ERCC1: variants seen among roughly 807,000 people sequenced by gnomAD.
The protein encoded by ERCC1 is DNA excision repair protein ERCC-1.
Under a neutral mutation model 37.6 loss-of-function variants are expected in ERCC1, and 36 were observed. That is an observed-to-expected ratio of 0.96 (90% confidence interval 0.73 to 1.26). ERCC1 has a LOEUF of 1.26. Ranked by LOEUF, ERCC1 falls within the 50% of genes most tolerant of loss-of-function variation. The pLI, the probability that ERCC1 is intolerant of heterozygous loss-of-function variation, is 0.00. For missense variants in ERCC1, 349 were observed against 376.5 expected, an observed-to-expected ratio of 0.93 and a Z score of 0.60; for synonymous variants, 156 against 162.1, an observed-to-expected ratio of 0.96 and a Z score of 0.28.
chr19:45,425,248 T>G (rs1192432925), upstream of ERCC1, among the ~76,000 whole-genome samples: 1 of 151,770 alleles, frequency 6.6e-6, no homozygotes, highest in Non-Finnish European at 1.5e-5. Context: ...TTCTATCATT[T>G]CTTTTATCTA....
chr19:45,449,576 G>C (rs752173525), intron 1 of ERCC1, among the ~76,000 whole-genome samples: 43 of 152,300 alleles, frequency 2.8e-4, no homozygotes, highest in Non-Finnish European at 5.3e-4. Flanking sequence ...TGAGGCGGGA[G>C]GATTGCTTGA....
At chr19:45,447,990 G>A (rs1031763271) in intron 1 of ERCC1, among the ~76,000 whole-genome samples, 8 of 151,872 alleles carry the variant, frequency 5.3e-5, no homozygotes, top group Non-Finnish European at 1.2e-4. Context: ...TCCTGCCTCA[G>A]TCTCCCAAGT....
chr19:45,412,532 T>A (rs1050589105), intron 9 of ERCC1, among the ~76,000 whole-genome samples: 4 of 152,168 alleles, frequency 2.6e-5, no homozygotes, highest in African/African-American at 9.7e-5. Flanking sequence ...TGCTTGCCAT[T>A]TGTATGTCTT....
In ERCC1 at chr19:45,423,780, C is replaced by G. The variant is rs187222096; in HGVS notation, c.-8+1G>C. 2,751 of 1,141,022 alleles carry G rather than the reference C, an allele frequency of 2.4e-3. 6 individuals carry two copies. Among genetic ancestry groups the G allele is most frequent in the Non-Finnish European group, 2.9e-3 (2,667 of 921,536 alleles). The allele number at this position is 1,141,022 out of a possible 1,614,324, so 70.7% of individuals were successfully genotyped here. A position where few individuals can be genotyped will look rare whatever the true frequency, so the allele number is the denominator to read the frequency against. On this transcript the variant is annotated splice_donor_variant, in intron 1 of 9. Coordinates refer to ENST00000300853, the MANE Select transcript of ERCC1 (RefSeq NM_001983.4). LOFTEE classifies it low-confidence loss of function (5UTR_SPLICE). ...CCACCCGCAGTCTCCGCCTCCCGCA[C>G]CTGTGGTCCGGGCCTCACGGTTTCA...
chr19:45,419,162 T>C lies in ERCC1; in HGVS notation c.461A>G (p.His154Arg), dbSNP rs1304698190. The change falls in exon 5 of 10, where the codon CAT becomes CGT. Residue 154 changes from histidine to arginine, a missense_variant. By Grantham distance (29) the His-to-Arg change is conservative (BLOSUM62 0). Transcript: ENST00000300853. The part of the protein sequence containing the change: ...RYHNLHPDYI[H>R]GRLQSLGKNF... ...CTTCCCCAGGCTCTGCAGCCGCCCA[T>C]GGATGTAGTCTGGGTGCAGGTTGTG... 1 of 1,598,374 alleles carries C rather than the reference T, an allele frequency of 6.3e-7. No homozygotes were observed. The highest frequency in any genetic ancestry group is 1.7e-5 in the Admixed American group (1 of 58,068).
chr19:45,435,051 G>T lies in ERCC1; in HGVS notation c.-7-11670C>A, dbSNP rs367668924. Among the ~76,000 whole-genome samples, 57 of 152,156 alleles carry T rather than the reference G, an allele frequency of 3.7e-4. 1 individual carries two copies. The South Asian group carries it at 0.012, about 32-fold the overall frequency. On this transcript the variant is annotated intron_variant, in intron 1 of 8. Coordinates refer to the ERCC1 transcript ENST00000423698. ...ACCTGCTTCAGCCTCCCAAAGTGCT[G>T]CAATTACAGGCATGAGCCATGGTGC...
chr19:45,423,536 C>T (rs1974572336), intron 1 of ERCC1, 155 bp from the exon 2 acceptor site: 3 of 1,453,694 alleles, frequency 2.1e-6, no homozygotes, highest in African/African-American at 2.8e-5. Context: ...TGTAACGCCA[C>T]GCCCCTTTGA....
chr19:45,414,652 A>G, intron 7 of ERCC1: 1 of 533,348 alleles, frequency 1.9e-6, no homozygotes, highest in Non-Finnish European at 3.4e-6. Context: ...CTCTCGGGGT[A>G]CTGGGGAGCC....
intron 2 of ERCC1, among the ~76,000 whole-genome samples, chr19:45,422,763 A>C (rs1401584370): frequency 6.6e-6 from 1 of 151,882 alleles, no homozygotes; most frequent in Non-Finnish European, 1.5e-5. Context: ...TCTCAAAAAA[A>C]TAAATAAATA....
intron 1 of ERCC1, 153 bp downstream of exon 1, chr19:45,423,628 C>G: frequency 7.4e-7 from 1 of 1,356,926 alleles, no homozygotes; most frequent in Middle Eastern, 2.8e-4. Flanking sequence ...ATTCTATTGG[C>G]TCCGTCCCCA....
At chr19:45,424,922 CTT>C (rs986137310), upstream of ERCC1, among the ~76,000 whole-genome samples, 7 of 121,874 alleles carry the variant, frequency 5.7e-5, no homozygotes, top group Middle Eastern at 3.6e-3. Flanking sequence ...TCTTTTTTTT[CTT>C]TTTTTTTTTT....
chr19:45,421,435 A>T (rs370924119), intron 2 of ERCC1, 42 bp from the exon 3 acceptor site: 42 of 1,450,456 alleles, frequency 2.9e-5, no homozygotes, highest in Non-Finnish European at 3.7e-5. Context: ...GGTTGGGGTG[A>T]GCAGAGGACA....
At chr19:45,428,785 C>T (rs1974765397), upstream of ERCC1, among the ~76,000 whole-genome samples, 1 of 152,126 alleles carries the variant, frequency 6.6e-6, no homozygotes, top group East Asian at 1.9e-4. Context: ...GCGTCCCCGC[C>T]CGCCTCTAAA....
At chr19:45,438,622 G>A (rs963395216) in intron 1 of ERCC1, among the ~76,000 whole-genome samples, 5 of 151,372 alleles carry the variant, frequency 3.3e-5, no homozygotes, top group African/African-American at 4.9e-5. Flanking sequence ...TATCACGCCC[G>A]GCTAATTATT....
intron 1 of ERCC1, among the ~76,000 whole-genome samples, chr19:45,445,175 C>G (rs1415009018): frequency 7.9e-5 from 12 of 152,174 alleles, no homozygotes; most frequent in Non-Finnish European, 1.6e-4. Flanking sequence ...TGCCTCCACG[C>G]CCAGCTATTT....
At chr19:45,422,744 G>A (rs1327592254) in intron 2 of ERCC1, among the ~76,000 whole-genome samples, 4 of 152,026 alleles carry the variant, frequency 2.6e-5, no homozygotes, top group East Asian at 1.9e-4. Context: ...GCAAAAGAGC[G>A]AGACTCTGTC....
At chr19:45,447,348 T>C (rs994050889) in intron 1 of ERCC1, among the ~76,000 whole-genome samples, 12 of 146,452 alleles carry the variant, frequency 8.2e-5, no homozygotes, top group Non-Finnish European at 1.8e-4. Context: ...GGATCTAGGC[T>C]CACTGCAACG....
intron 3 of ERCC1, 138 bp downstream of exon 3, chr19:45,421,040 C>T (rs978642215): frequency 4.5e-5 from 35 of 773,652 alleles, no homozygotes; most frequent in South Asian, 3.2e-4. Flanking sequence ...ACACTGCTGT[C>T]GAATGAATGA....
At chr19:45,438,485 C>T (rs1014501041) in intron 1 of ERCC1, among the ~76,000 whole-genome samples, 1 of 151,316 alleles carries the variant, frequency 6.6e-6, no homozygotes, top group African/African-American at 2.4e-5. Context: ...TATTTTAAGA[C>T]AGTCTCACTC....
Sources: allele counts gnomAD v4.1 joint callset (sites outside exome capture counted in the v4.1 genomes callset), GRCh38; gene constraint gnomAD v4.1.1; transcripts MANE v1.5; gene names NCBI Gene and HGNC (gene_info 2026-07-23, HGNC 2026-07-21).